The following PTPRD variants were observed in gnomAD, a reference collection of about 807,000 sequenced individuals.
The protein encoded by PTPRD is receptor-type tyrosine-protein phosphatase delta.
In PTPRD, 34 loss-of-function variants were observed where a neutral mutation model predicts 214.5. That is an observed-to-expected ratio of 0.16 (90% CI 0.12 to 0.21). The LOEUF (loss-of-function observed/expected upper bound fraction) is 0.21, where lower values mean the gene tolerates loss of function less well. PTPRD is among the 10% of genes least tolerant of loss of function. The pLI is 1.00. For synonymous variants in PTPRD, 1,128 were observed against 845.7 expected (o/e 1.33, Z -5.79); for missense variants, 2,545 against 2,398.7 (o/e 1.06, Z -1.27).
chr9:9,416,961 C>T (rs1308698216), intron 8 of PTPRD, among the ~76,000 whole-genome samples: 1 of 152,114 alleles, frequency 6.6e-6, no homozygotes, highest in Admixed American at 6.6e-5. Context: ...CTGCTGCACT[C>T]ATAGTTAATC....
At chr9:9,087,890 T>A (rs938286032) in intron 10 of PTPRD, among the ~76,000 whole-genome samples, 11 of 135,148 alleles carry the variant, frequency 8.1e-5, no homozygotes, top group African/African-American at 3.0e-4. Flanking sequence ...TTTTTTTTTT[T>A]TTTTTTTTTT....
chr9:8,960,257 A>G (rs2099151958), intron 11 of PTPRD, among the ~76,000 whole-genome samples: 1 of 152,060 alleles, frequency 6.6e-6, no homozygotes, highest in African/African-American at 2.4e-5. Context: ...AACAAGGCAA[A>G]CACTGAGAAA....
chr9:10,092,218 A>G (rs76747123), intron 3 of PTPRD, among the ~76,000 whole-genome samples: 125 of 151,648 alleles, frequency 8.2e-4, no homozygotes, highest in African/African-American at 2.9e-3. Flanking sequence ...TGTGTCAAGC[A>G]ATAAATAAGC....
chr9:9,548,502 G>T (rs1168450805), intron 8 of PTPRD, among the ~76,000 whole-genome samples: 1 of 150,400 alleles, frequency 6.6e-6, no homozygotes, highest in Non-Finnish European at 1.5e-5. Context: ...CCGCTTCCTG[G>T]GTTCAAGTGA....
chr9:10,323,125 C>T (rs764871562), intron 3 of PTPRD, among the ~76,000 whole-genome samples: 4 of 151,854 alleles, frequency 2.6e-5, no homozygotes, highest in Non-Finnish European at 4.4e-5. Flanking sequence ...TCAGTTAAAA[C>T]CTAAATATAC....
intron 9 of PTPRD, among the ~76,000 whole-genome samples, chr9:9,187,888 C>A (rs755775624): frequency 7.3e-5 from 11 of 151,594 alleles, no homozygotes; most frequent in Non-Finnish European, 1.3e-4. Context: ...AATCCTGAGT[C>A]CTTTTGTCTC....
chr9:9,741,419 A>T (rs1346299563), intron 6 of PTPRD, among the ~76,000 whole-genome samples: 1 of 149,818 alleles, frequency 6.7e-6, no homozygotes, highest in Non-Finnish European at 1.5e-5. Flanking sequence ...CAAGTTAACA[A>T]CAACAAAAAT....
chr9:9,175,127 T>C (rs1163756380), intron 10 of PTPRD, among the ~76,000 whole-genome samples: 1 of 152,126 alleles, frequency 6.6e-6, no homozygotes, highest in African/African-American at 2.4e-5. Context: ...TCCAGAACTA[T>C]AAAAAATAAA....
chr9:10,308,083 G>T (rs1235595854), intron 3 of PTPRD, among the ~76,000 whole-genome samples: 1 of 151,368 alleles, frequency 6.6e-6, no homozygotes. Context: ...AGTTTTATTT[G>T]TCTATTTTTG....
At chr9:9,309,417 T>C (rs994453054) in intron 9 of PTPRD, among the ~76,000 whole-genome samples, 7 of 152,154 alleles carry the variant, frequency 4.6e-5, no homozygotes, top group African/African-American at 1.7e-4. Flanking sequence ...ATGCCAAAAC[T>C]ATTTCAGCTG....
chr9:8,832,393 G>A (rs1347201753), intron 11 of PTPRD, among the ~76,000 whole-genome samples: 1 of 146,750 alleles, frequency 6.8e-6, no homozygotes, highest in East Asian at 2.0e-4. Context: ...TGTAAAGCAA[G>A]GGGCAGCTAA....
At chr9:9,535,320 A>G (rs2076292053) in intron 8 of PTPRD, among the ~76,000 whole-genome samples, 1 of 152,138 alleles carries the variant, frequency 6.6e-6, no homozygotes, top group Non-Finnish European at 1.5e-5. Flanking sequence ...AGAGAAAATC[A>G]AGTTTTAAAC....
rs559269135 is a variant in PTPRD at position 9,067,226 on chromosome 9, G to A, written c.-142-48491C>T. Among the ~76,000 whole-genome samples, 541 of 152,212 alleles carry A rather than the reference G, an allele frequency of 3.6e-3. 5 individuals are homozygous for A. The highest frequency in any genetic ancestry group is 0.011 in the African/African-American group (455 of 41,540). ...GCCTGGGCAATAAGAGTGAGACTCC[G>A]TCTCAAAAACAAACAGACAAACAAA... On this transcript the variant is annotated intron_variant, in intron 10 of 45. Transcript: ENST00000381196.
intron 9 of PTPRD, among the ~76,000 whole-genome samples, chr9:9,257,767 A>T (rs1419540652): frequency 3.3e-5 from 5 of 152,144 alleles, no homozygotes; most frequent in Middle Eastern, 3.4e-3. Flanking sequence ...CTGGATGACA[A>T]AATGAGACCC....
At chr9:10,330,925 T>C (rs1286117387) in intron 3 of PTPRD, among the ~76,000 whole-genome samples, 1 of 151,828 alleles carries the variant, frequency 6.6e-6, no homozygotes, top group Non-Finnish European at 1.5e-5. Context: ...ACCATCAATA[T>C]TGGTGGTGGT....
chr9:9,078,339 T>C (rs2099754094), intron 10 of PTPRD, among the ~76,000 whole-genome samples: 1 of 152,070 alleles, frequency 6.6e-6, no homozygotes, highest in South Asian at 2.1e-4. Flanking sequence ...AATTATATCA[T>C]AGTTAAATAA....
intron 8 of PTPRD, among the ~76,000 whole-genome samples, chr9:9,559,780 C>T (rs935747267): frequency 3.3e-5 from 5 of 152,140 alleles, no homozygotes; most frequent in African/African-American, 1.2e-4. Context: ...TGTGACAGAC[C>T]GTACAGCTGC....
intron 4 of PTPRD, among the ~76,000 whole-genome samples, chr9:10,014,216 C>G (rs2096655644): frequency 1.3e-5 from 2 of 151,850 alleles, no homozygotes. Context: ...TCCCTTAAAG[C>G]AGGAAAATAA....
intron 9 of PTPRD, among the ~76,000 whole-genome samples, chr9:9,260,375 G>T (rs529635988): frequency 1.8e-4 from 27 of 151,794 alleles, no homozygotes; most frequent in Admixed American, 7.9e-4. Context: ...CCGAAATCAC[G>T]TTTATTAAAA....
Sources: allele counts gnomAD v4.1 joint callset (sites outside exome capture counted in the v4.1 genomes callset), GRCh38; gene constraint gnomAD v4.1.1; transcripts MANE v1.5; gene names NCBI Gene and HGNC (gene_info 2026-07-23, HGNC 2026-07-21).